The following MTM1 variants were observed in gnomAD, a reference collection of about 807,000 sequenced individuals.
MTM1 encodes the protein myotubularin 1.
A neutral mutation model predicts 52.1 loss-of-function variants in MTM1; 9 were observed. The ratio of observed to expected loss-of-function variants is 0.17; its 90% CI spans 0.10 to 0.30. MTM1 has a LOEUF of 0.30. MTM1 is among the 10% of genes least tolerant of loss of function. The probability of loss-of-function intolerance (pLI) is 1.00; values close to 1 mark genes in which losing one functional copy is unlikely to be tolerated. For missense variants in MTM1, 277 were observed against 470.7 expected, an observed-to-expected ratio of 0.59 and a Z score of 3.81; for synonymous variants, 136 against 163.8, an observed-to-expected ratio of 0.83 and a Z score of 1.29.
chrX:150,635,099 A>G (rs2039733491), intron 6 of MTM1, among the ~76,000 whole-genome samples: 1 of 111,903 alleles, frequency 8.9e-6, no homozygotes, highest in Non-Finnish European at 1.9e-5. Flanking sequence ...AGAGCCGTAG[A>G]TAAGGACCAC....
At chrX:150,585,062 GGA>G (rs368036277) in intron 1 of MTM1, among the ~76,000 whole-genome samples, 35,211 of 100,622 alleles carry the variant, frequency 0.35, 4,995 homozygotes, top group South Asian at 0.55. Context: ...ACAGAGAAGT[GGA>G]GAGAGAGAGA....
intron 1 of MTM1, among the ~76,000 whole-genome samples, chrX:150,571,483 C>G (rs1276457984): frequency 4.5e-5 from 5 of 111,810 alleles, no homozygotes; most frequent in African/African-American, 1.6e-4. Flanking sequence ...ATAATAGTAC[C>G]TTTCTCAAAG....
At chrX:150,631,074 C>T (rs1207190079) in intron 6 of MTM1, among the ~76,000 whole-genome samples, 1 of 112,166 alleles carries the variant, frequency 8.9e-6, no homozygotes, top group Non-Finnish European at 1.9e-5. Context: ...TAAGCACCCA[C>T]TGCCTAGCAC....
intron 4 of MTM1, 79 bp downstream of exon 4, chrX:150,598,765 A>T: frequency 2.9e-6 from 2 of 700,667 alleles, no homozygotes; most frequent in Middle Eastern, 3.4e-4. Flanking sequence ...ACTTTGCAAG[A>T]TTGACTGTGG....
chrX:150,599,220 G>A (rs1557412692), intron 4 of MTM1, among the ~76,000 whole-genome samples: 1 of 112,444 alleles, frequency 8.9e-6, no homozygotes, highest in East Asian at 2.8e-4. Flanking sequence ...TGTAGAACTA[G>A]GATGACTATG....
intron 2 of MTM1, among the ~76,000 whole-genome samples, chrX:150,593,261 A>T (rs948058450): frequency 8.9e-6 from 1 of 112,580 alleles, no homozygotes; most frequent in African/African-American, 3.2e-5. Flanking sequence ...GCTAGACCTC[A>T]TGTTTAAGGT....
At chrX:150,646,230 TA>T (rs782191033) in intron 9 of MTM1, among the ~76,000 whole-genome samples, 20 of 112,135 alleles carry the variant, frequency 1.8e-4, no homozygotes, top group African/African-American at 6.2e-4. Context: ...CTGTAATTAT[TA>T]AAATACTAAA....
At chrX:150,636,784 A>G (rs2039759667) in intron 6 of MTM1, among the ~76,000 whole-genome samples, 2 of 112,143 alleles carry the variant, frequency 1.8e-5, no homozygotes, top group East Asian at 5.6e-4. Flanking sequence ...ACCTGTGCCA[A>G]GTACTGACCA....
intron 4 of MTM1, among the ~76,000 whole-genome samples, chrX:150,607,188 A>T (rs1427470013): frequency 9.1e-6 from 1 of 109,455 alleles, no homozygotes; most frequent in Non-Finnish European, 1.9e-5. Flanking sequence ...TTGTTTCATT[A>T]TGTTGGCCAG....
chrX:150,570,100 A>G (rs1557411396), intron 1 of MTM1, among the ~76,000 whole-genome samples: 3 of 111,839 alleles, frequency 2.7e-5, no homozygotes, highest in Non-Finnish European at 5.6e-5. Flanking sequence ...TTCTAACTAC[A>G]TTTATTAAGT....
At chrX:150,564,845 A>G (rs1480289435), upstream of MTM1, among the ~76,000 whole-genome samples, 3 of 112,025 alleles carry the variant, frequency 2.7e-5, no homozygotes, top group Non-Finnish European at 3.8e-5. Flanking sequence ...AAGGGGCTGC[A>G]CTATCCTGCT....
rs781830040 is a variant in MTM1, at chrX:150,619,088, A to G, written c.393A>G (p.Arg131=). 8.3e-7 allele frequency: 1 copy of G among 1,208,646 alleles called. No individual in the cohort carries two copies. The highest frequency in any genetic ancestry group is 1.1e-6 in the Non-Finnish European group (1 of 894,366). Residue 131 remains arginine, a synonymous_variant, in exon 6 of 15, where the codon AGA becomes AGG. Coordinates refer to ENST00000370396, the MANE Select transcript of MTM1 (RefSeq NM_000252.3). ...FALKQEGHSR[R]DMFEILTRYA... ...TGAAACAGGAAGGCCACAGCAGAAG[A>G]GATATGTTTGAGATCCTCACGAGAT...
intron 13 of MTM1, 26 bp from the exon 14 acceptor site, chrX:150,663,407 C>T (rs2040255814): frequency 8.3e-7 from 1 of 1,207,968 alleles, no homozygotes. Flanking sequence ...TTAGGCTCTC[C>T]ACTTTCTCTC....
chrX:150,637,358 G>A lies in MTM1; in HGVS notation c.445-1585G>A, dbSNP rs1012663931. 3.9e-4 allele frequency among the ~76,000 whole-genome samples: 43 copies of A among 111,365 alleles called. 1 individual carries two copies. The highest frequency in any genetic ancestry group is 1.5e-4 in the Non-Finnish European group (8 of 53,046). On this transcript the variant is annotated intron_variant, in intron 6 of 14. Coordinates refer to ENST00000370396, the MANE Select transcript of MTM1 (RefSeq NM_000252.3). ...CTACATAGAGGAAAAGTGCCCAGAC[G>A]CAGCGCCTCCAGAGAAGATGGTTGT...
chrX:150,643,187 T>C (rs2039876204), intron 8 of MTM1, among the ~76,000 whole-genome samples: 1 of 111,444 alleles, frequency 9.0e-6, no homozygotes, highest in South Asian at 3.9e-4. Context: ...TAATATCTGA[T>C]AGTTGGTTCT....
In MTM1 at chrX:150,640,752, G is replaced by A. The variant is rs180767003; in HGVS notation, c.529-517G>A. Among the ~76,000 whole-genome samples the A allele has an allele frequency of 1.7e-4, 19 of 111,571 alleles. No homozygotes were observed. The East Asian group carries it at 4.0e-3, about 23-fold the overall frequency. On this transcript the variant is annotated intron_variant, in intron 7 of 14. Transcript: ENST00000370396. ...AGGTGGCGAAATGAGCCTCCCCAGA[G>A]GGATCTTCCTTTACTTCCCCTCATG...
chrX:150,603,844 G>T (rs1449433953), intron 4 of MTM1, among the ~76,000 whole-genome samples: 2 of 111,647 alleles, frequency 1.8e-5, no homozygotes, highest in Non-Finnish European at 3.8e-5. Context: ...ATGGGCTAAG[G>T]AGAGGACCCC....
intron 1 of MTM1, among the ~76,000 whole-genome samples, chrX:150,572,348 G>T (rs995711967): frequency 1.3e-4 from 15 of 112,094 alleles, no homozygotes; most frequent in African/African-American, 4.5e-4. Flanking sequence ...TGAATGTGTT[G>T]TATAAGCAGT....
chrX:150,599,047 AC>A (rs1557412682), intron 4 of MTM1, among the ~76,000 whole-genome samples: 1 of 111,937 alleles, frequency 8.9e-6, no homozygotes, highest in Non-Finnish European at 1.9e-5. Context: ...ATAAAAAAAT[AC>A]AGATGTCCTG....
Sources: gnomAD v4.1 joint callset for allele counts (sites outside exome capture counted in the v4.1 genomes callset) on GRCh38, gnomAD v4.1.1 for gene constraint, MANE v1.5 for transcripts, NCBI Gene and HGNC (gene_info 2026-07-23, HGNC 2026-07-21) for gene names.